The following RNF225 variants were observed in gnomAD, a reference collection of about 807,000 sequenced individuals.
RNF225 encodes the protein ring finger protein 225.
For synonymous variants in RNF225, 295 were observed against 260.4 expected, an observed-to-expected ratio of 1.13 and a Z score of -1.28; for missense variants, 510 against 509.8, an observed-to-expected ratio of 1.00 and a Z score of 0.00.
In RNF225 at chr19:58,395,663, A is replaced by G. The variant is rs1311974098; in HGVS notation, c.-427A>G. ...AGCTGCTGGCAGGCCAGGAACAGAC[A>G]GGGACACGCCACTGGCCAGAGGGAG... On this transcript the variant is annotated 5_prime_UTR_variant, in exon 1 of 1. Transcript: ENST00000601382. Among the ~76,000 whole-genome samples the G allele has an allele frequency of 6.7e-6, 1 of 149,248 alleles. No individual in the cohort carries two copies. Among genetic ancestry groups the G allele is most frequent in the Non-Finnish European group, 1.5e-5 (1 of 67,890 alleles).
Position 58,396,231 on chromosome 19 carries a change from G to C in RNF225, c.142G>C (p.Gly48Arg). 6.5e-7 allele frequency: 1 copy of C among 1,541,408 alleles called. No individual in the cohort carries two copies. The highest frequency in any genetic ancestry group is 1.2e-5 in the South Asian group (1 of 84,454). The change falls in exon 1 of 1, where the codon GGC (glycine) becomes CGC (arginine). Residue 48 changes from glycine (G) to arginine (R), a missense_variant. Coordinates refer to ENST00000601382, the MANE Select transcript of RNF225 (RefSeq NM_001195135.2). ...QEEEEEEEGDGSPGSGPILPP... is the reference protein window; with the variant it reads ...QEEEEEEEGDRSPGSGPILPP... Reference sequence around the variant, plus strand: ...GGAGGAGGAGGAGGAGGAAGGGGACGGCAGCCCAGGCTCCGGCCCTATCCT... The same window carrying C: ...GGAGGAGGAGGAGGAGGAAGGGGACCGCAGCCCAGGCTCCGGCCCTATCCT...
chr19:58,396,854 G>T lies in RNF225; in HGVS notation c.765G>T (p.Gly255=). ...FSWFPPRPPP[G]SPWAPAWTPR... ...GGTTTCCGCCGAGGCCCCCGCCGGG[G>T]TCGCCCTGGGCCCCCGCCTGGACGC... The change falls in exon 1 of 1, where the codon GGG becomes GGT. Residue 255 remains glycine (G), a synonymous_variant. Transcript: ENST00000601382. 2.0e-6 allele frequency: 3 copies of T among 1,520,436 alleles called. No individual in the cohort carries two copies. The highest frequency in any genetic ancestry group is 1.8e-6 in the Non-Finnish European group (2 of 1,141,204). The allele number at this position is 1,520,436 out of a possible 1,614,324, so 94.2% of individuals were successfully genotyped here.
Position 58,395,907 on chromosome 19 carries a change from C to T in RNF225, c.-183C>T, listed in dbSNP as rs2052394465. On this transcript the variant is annotated 5_prime_UTR_variant, in exon 1 of 1. Transcript: ENST00000601382. ...TATCCCCAGTCTCCGCCTCGGGCCT[C>T]CCCATCTCCCCTGCTCCTCGACGCT... 2.0e-5 allele frequency among the ~76,000 whole-genome samples: 3 copies of T among 152,140 alleles called. No individual in the cohort carries two copies. The highest frequency in any genetic ancestry group is 2.9e-5 in the Non-Finnish European group (2 of 68,000).
Position 58,396,650 on chromosome 19 carries a change from C to G in RNF225, c.561C>G (p.Arg187=). 1 of 1,426,836 alleles carries G rather than the reference C, an allele frequency of 7.0e-7. No individual in the cohort carries two copies. The highest frequency in any genetic ancestry group is 9.1e-7 in the Non-Finnish European group (1 of 1,096,864). 88.4% of individuals were successfully genotyped at this position (1,426,836 alleles called of 1,614,324 possible). A position where few individuals can be genotyped will look rare whatever the true frequency, so the allele number is the denominator to read the frequency against. ...PPLRLGRPLS[R]RLSLASPAWV... Reference sequence around the variant, plus strand: ...TGCGCCTGGGCCGCCCGCTGTCGCGCCGCTTGTCGCTGGCCAGCCCGGCCT... The same window carrying G: ...TGCGCCTGGGCCGCCCGCTGTCGCGGCGCTTGTCGCTGGCCAGCCCGGCCT... The change falls in exon 1 of 1, where the codon CGC becomes CGG. Residue 187 remains arginine, a synonymous_variant. Coordinates refer to ENST00000601382, the MANE Select transcript of RNF225 (RefSeq NM_001195135.2).
In RNF225 at chr19:58,396,905, C is replaced by G; in HGVS notation, c.816C>G (p.Asp272Glu). The stretch of plus-strand genomic sequence containing the variant: ...CGCGCCCCACGGGCCCTGACCTGGA[C>G]ACGGCCCTGCCAGGAACTGCAGAAG... ...WTPRPTGPDL[D>E]TALPGTAEDA... The change falls in exon 1 of 1, where the codon GAC becomes GAG. Residue 272 changes from aspartate (D) to glutamate (E), a missense_variant. Asp to Glu is a conservative substitution (Grantham distance 45). Coordinates refer to ENST00000601382, the MANE Select transcript of RNF225 (RefSeq NM_001195135.2). The G allele has an allele frequency of 6.5e-7, 1 of 1,533,892 alleles. No homozygotes were observed. Among genetic ancestry groups the G allele is most frequent in the African/African-American group, 1.4e-5 (1 of 72,968 alleles).
In RNF225 at chr19:58,395,885, C is replaced by G. The variant is rs2052394322; in HGVS notation, c.-205C>G. The stretch of plus-strand genomic sequence containing the variant: ...TGGTACCCCGTGGGTCCATTCCTAT[C>G]CCCAGTCTCCGCCTCGGGCCTCCCC... On this transcript the variant is annotated 5_prime_UTR_variant, in exon 1 of 1. In the 5' UTR this introduces an upstream ATG that the reference lacks. Coordinates refer to ENST00000601382, the MANE Select transcript of RNF225 (RefSeq NM_001195135.2). Among the ~76,000 whole-genome samples, 1 of 152,126 alleles carries G rather than the reference C, an allele frequency of 6.6e-6. No individual in the cohort carries two copies.
rs2052395262 is a variant in RNF225 at position 58,396,011 on chromosome 19, C to T, written c.-79C>T. The T allele has an allele frequency of 1.5e-6, 2 of 1,355,420 alleles. No homozygotes were observed. Among genetic ancestry groups the T allele is most frequent in the African/African-American group, 1.5e-5 (1 of 67,710 alleles). 84.0% of individuals were successfully genotyped at this position (1,355,420 alleles called of 1,614,324 possible). A position where few individuals can be genotyped will look rare whatever the true frequency, so the allele number is the denominator to read the frequency against. ...TACAGTCCCCAGTCTTCCCTGGATT[C>T]CCTGCTGGTCTCAGAACCCGCTCCA... is the stretch of plus-strand genomic sequence containing the variant. On this transcript the variant is annotated 5_prime_UTR_variant, in exon 1 of 1. Transcript: ENST00000601382.
rs1278313866 is a variant in RNF225 at position 58,396,849 on chromosome 19, C to T, written c.760C>T (p.Pro254Ser). 25 of 1,520,264 alleles carry T rather than the reference C, an allele frequency of 1.6e-5. 1 individual carries two copies. The East Asian group carries it at 6.4e-4, about 39-fold the overall frequency. 94.2% of individuals were successfully genotyped at this position (1,520,264 alleles called of 1,614,324 possible). A position where few individuals can be genotyped will look rare whatever the true frequency, so the allele number is the denominator to read the frequency against. Residue 254 changes from proline to serine, a missense_variant, in exon 1 of 1, where the codon CCG becomes TCG. Physicochemically the swap from Pro to Ser is moderately conservative, Grantham distance 74 (BLOSUM62 -1). Transcript: ENST00000601382. ...GFSWFPPRPP[P>S]GSPWAPAWTP... ...CTCTTGGTTTCCGCCGAGGCCCCCGCCGGGGTCGCCCTGGGCCCCCGCCTG... is the reference window on the plus strand; with the variant it reads ...CTCTTGGTTTCCGCCGAGGCCCCCGTCGGGGTCGCCCTGGGCCCCCGCCTG...
rs758252031 is a variant in RNF225 at position 58,395,851 on chromosome 19, T to C, written c.-239T>C. Among the ~76,000 whole-genome samples, 6 of 151,084 alleles carry C rather than the reference T, an allele frequency of 4.0e-5. No homozygotes were observed. Among genetic ancestry groups the C allele is most frequent in the Admixed American group, 6.6e-5 (1 of 15,220 alleles). ...CTGCGGTCTGTCTCTCCGTTTCCAA[T>C]TCAGGAACTGGTACCCCGTGGGTCC... On this transcript the variant is annotated 5_prime_UTR_variant, in exon 1 of 1. Coordinates refer to ENST00000601382, the MANE Select transcript of RNF225 (RefSeq NM_001195135.2).
In RNF225 at chr19:58,397,050, G is replaced by A. The variant is rs2052405646; in HGVS notation, c.961G>A (p.Gly321Ser). ...AGPGWAPWPR[G>S]ARRLWGSQ The stretch of plus-strand genomic sequence containing the variant: ...CCCCGGCTGGGCCCCGTGGCCACGG[G>A]GCGCGAGGAGGCTGTGGGGCTCACA... The change falls in exon 1 of 1, where the codon GGC becomes AGC. Residue 321 changes from glycine (G) to serine (S), a missense_variant. By Grantham distance (56) the Gly-to-Ser change is moderately conservative. Transcript: ENST00000601382. The A allele has an allele frequency of 2.0e-6, 3 of 1,526,820 alleles. No individual in the cohort carries two copies. Among genetic ancestry groups the A allele is most frequent in the Non-Finnish European group, 1.7e-6 (2 of 1,143,572 alleles). The allele number at this position is 1,526,820 out of a possible 1,614,324, so 94.6% of individuals were successfully genotyped here.
chr19:58,395,989 A>G lies in RNF225; in HGVS notation c.-101A>G. The stretch of plus-strand genomic sequence containing the variant: ...TACTGGGGGATCCTCTCTAAAGTAC[A>G]GTCCCCAGTCTTCCCTGGATTCCCT... On this transcript the variant is annotated 5_prime_UTR_variant, in exon 1 of 1. Transcript: ENST00000601382. 1 of 1,186,408 alleles carries G rather than the reference A, an allele frequency of 8.4e-7. No homozygotes were observed. The highest frequency in any genetic ancestry group is 1.1e-6 in the Non-Finnish European group (1 of 872,814). The allele number at this position is 1,186,408 out of a possible 1,614,324, so 73.5% of individuals were successfully genotyped here. A position where few individuals can be genotyped will look rare whatever the true frequency, so the allele number is the denominator to read the frequency against.
At position 58,397,056 on chromosome 19, in the gene RNF225, A is replaced by G; in HGVS notation, c.967A>G (p.Arg323Gly). The G allele has an allele frequency of 6.6e-7, 1 of 1,525,368 alleles. No individual in the cohort carries two copies. The highest frequency in any genetic ancestry group is 1.2e-5 in the South Asian group (1 of 83,156). 94.5% of individuals were successfully genotyped at this position (1,525,368 alleles called of 1,614,324 possible). Residue 323 changes from arginine to glycine, a missense_variant, in exon 1 of 1, where the codon AGG becomes GGG. Physicochemically the swap from Arg to Gly is moderately radical, Grantham distance 125. Transcript: ENST00000601382. ...CTGGGCCCCGTGGCCACGGGGCGCG[A>G]GGAGGCTGTGGGGCTCACAATAAGT... Reference protein sequence around the residue: ...PGWAPWPRGARRLWGSQ With the variant: ...PGWAPWPRGAGRLWGSQ
In RNF225 at chr19:58,396,478, C is replaced by G; in HGVS notation, c.389C>G (p.Ser130Cys). Residue 130 changes from serine (S) to cysteine (C), a missense_variant, in exon 1 of 1, where the codon TCC (serine) becomes TGC (cysteine). Physicochemically the swap from Ser to Cys is moderately radical, Grantham distance 112. Coordinates refer to ENST00000601382, the MANE Select transcript of RNF225 (RefSeq NM_001195135.2). ...GGACTCCCCGCGTTGCCCACGCAGT[C>G]CGGTCTCCTGCCCCGCGACGCGCGC... The part of the protein sequence containing the change: ...RRGLPALPTQ[S>C]GLLPRDARAP... The G allele has an allele frequency of 7.1e-7, 1 of 1,404,660 alleles. No individual in the cohort carries two copies. Among genetic ancestry groups the G allele is most frequent in the Non-Finnish European group, 9.2e-7 (1 of 1,085,936 alleles). The allele number at this position is 1,404,660 out of a possible 1,614,324, so 87.0% of individuals were successfully genotyped here. A position where few individuals can be genotyped will look rare whatever the true frequency, so the allele number is the denominator to read the frequency against.
Position 58,396,445 on chromosome 19 carries a change from C to G in RNF225, c.356C>G (p.Pro119Arg). The change falls in exon 1 of 1, where the codon CCC (proline) becomes CGC (arginine). Residue 119 changes from proline to arginine, a missense_variant. Transcript: ENST00000601382. ...PVCRAPTRLA[P>R]RRGLPALPTQ... is the part of the protein sequence containing the mutation. ...TGCCGCGCGCCCACGCGCCTGGCCCCCCGCCGCGGACTCCCCGCGTTGCCC... is the reference window on the plus strand; with the variant it reads ...TGCCGCGCGCCCACGCGCCTGGCCCGCCGCCGCGGACTCCCCGCGTTGCCC... The G allele has an allele frequency of 7.0e-7, 1 of 1,424,400 alleles. No homozygotes were observed. The highest frequency in any genetic ancestry group is 3.1e-5 in the Admixed American group (1 of 32,282). 88.2% of individuals were successfully genotyped at this position (1,424,400 alleles called of 1,614,324 possible). A position where few individuals can be genotyped will look rare whatever the true frequency, so the allele number is the denominator to read the frequency against.
rs1221704858 is a variant in RNF225 at position 58,396,715 on chromosome 19, C to G, written c.626C>G (p.Ala209Gly). The G allele has an allele frequency of 9.3e-6, 14 of 1,500,126 alleles. No individual in the cohort carries two copies. The highest frequency in any genetic ancestry group is 1.1e-5 in the Non-Finnish European group (13 of 1,132,256). The allele number at this position is 1,500,126 out of a possible 1,614,324, so 92.9% of individuals were successfully genotyped here. A position where few individuals can be genotyped will look rare whatever the true frequency, so the allele number is the denominator to read the frequency against. ...NAAVALAVLV[A>G]AGLVVSGVYI... ...GCCGTGGCGCTGGCGGTGCTGGTGG[C>G]CGCGGGCCTCGTGGTCTCGGGCGTC... The change falls in exon 1 of 1, where the codon GCC becomes GGC. Residue 209 changes from alanine to glycine, a missense_variant. Physicochemically the swap from Ala to Gly is moderately conservative, Grantham distance 60 (BLOSUM62 0). Coordinates refer to ENST00000601382, the MANE Select transcript of RNF225 (RefSeq NM_001195135.2).
rs772437132 is a variant in RNF225, at chr19:58,396,097, GC to G, written c.11del (p.Pro4LeufsTer?). On this transcript the variant is annotated frameshift_variant, in exon 1 of 1. Transcript: ENST00000601382. LOFTEE classifies it low-confidence loss of function (END_TRUNC). The stretch of plus-strand genomic sequence containing the variant: ...CCTCCCAGGTCCATCCGGATGCCCT[GC>G]CCTCGGCCGTTCTGGCTCCGCCATT... MP[C>X]PRPFWLRHSR... is the part of the protein sequence containing the mutation. 3.9e-6 allele frequency: 6 copies of G among 1,526,942 alleles called. No homozygotes were observed. The African/African-American group carries it at 8.2e-5, about 21-fold the overall frequency. 94.6% of individuals were successfully genotyped at this position (1,526,942 alleles called of 1,614,324 possible).
In RNF225 at chr19:58,396,243, T is replaced by C. The variant is rs994251409; in HGVS notation, c.154T>C (p.Ser52Pro). The part of the protein sequence containing the change: ...EEEEGDGSPG[S>P]GPILPPASPV... ...GGAGGAAGGGGACGGCAGCCCAGGCTCCGGCCCTATCCTGCCCCCCGCCTC... is the reference window on the plus strand; with the variant it reads ...GGAGGAAGGGGACGGCAGCCCAGGCCCCGGCCCTATCCTGCCCCCCGCCTC... Residue 52 changes from serine (S) to proline (P), a missense_variant, in exon 1 of 1, where the codon TCC becomes CCC. Ser to Pro is a moderately conservative substitution (Grantham distance 74). Transcript: ENST00000601382. The C allele has an allele frequency of 1.4e-5, 22 of 1,538,420 alleles. No homozygotes were observed. The African/African-American group carries it at 2.6e-4, about 18-fold the overall frequency.
rs1278313866 is a variant in RNF225 at position 58,396,849 on chromosome 19, C to A, written c.760C>A (p.Pro254Thr). ...GFSWFPPRPP[P>T]GSPWAPAWTP... ...CTCTTGGTTTCCGCCGAGGCCCCCG[C>A]CGGGGTCGCCCTGGGCCCCCGCCTG... The change falls in exon 1 of 1, where the codon CCG becomes ACG. Residue 254 changes from proline (P) to threonine (T), a missense_variant. Coordinates refer to ENST00000601382, the MANE Select transcript of RNF225 (RefSeq NM_001195135.2). 1 of 1,520,264 alleles carries A rather than the reference C, an allele frequency of 6.6e-7. No individual in the cohort carries two copies. Among genetic ancestry groups the A allele is most frequent in the Non-Finnish European group, 8.8e-7 (1 of 1,141,146 alleles). The allele number at this position is 1,520,264 out of a possible 1,614,324, so 94.2% of individuals were successfully genotyped here. A position where few individuals can be genotyped will look rare whatever the true frequency, so the allele number is the denominator to read the frequency against.
chr19:58,396,894 C>T lies in RNF225; in HGVS notation c.805C>T (p.Pro269Ser), dbSNP rs915993559. Reference protein sequence around the residue: ...APAWTPRPTGPDLDTALPGTA... With the variant: ...APAWTPRPTGSDLDTALPGTA... ...CGCCTGGACGCCGCGCCCCACGGGC[C>T]CTGACCTGGACACGGCCCTGCCAGG... is the stretch of plus-strand genomic sequence containing the variant. Residue 269 changes from proline to serine, a missense_variant, in exon 1 of 1, where the codon CCT becomes TCT. Pro to Ser is a moderately conservative substitution (Grantham distance 74). Coordinates refer to ENST00000601382, the MANE Select transcript of RNF225 (RefSeq NM_001195135.2). 2.3e-5 allele frequency: 35 copies of T among 1,532,780 alleles called. No individual in the cohort carries two copies. The highest frequency in any genetic ancestry group is 1.8e-4 in the Middle Eastern group (1 of 5,600). The allele number at this position is 1,532,780 out of a possible 1,614,324, so 94.9% of individuals were successfully genotyped here. A position where few individuals can be genotyped will look rare whatever the true frequency, so the allele number is the denominator to read the frequency against.
Sources: allele counts gnomAD v4.1 joint callset (sites outside exome capture counted in the v4.1 genomes callset), GRCh38; gene constraint gnomAD v4.1.1; transcripts MANE v1.5; gene names NCBI Gene and HGNC (gene_info 2026-07-23, HGNC 2026-07-21).